The following HIVEP3 variants were observed in gnomAD, a reference collection of about 807,000 sequenced individuals.
HIVEP3 encodes the protein HIVEP zinc finger 3.
HIVEP3 carries 49 observed loss-of-function variants against 152.8 expected under a neutral mutation model. The observed-to-expected ratio is 0.32, with a 90% CI of 0.26 to 0.41. The LOEUF (loss-of-function observed/expected upper bound fraction) is 0.41, where lower values mean the gene tolerates loss of function less well. HIVEP3 is among the 10% of genes least tolerant of loss of function. The pLI is 1.00. For synonymous variants in HIVEP3, 1,269 were observed against 1,289.0 expected, an observed-to-expected ratio of 0.98 and a Z score of 0.33; for missense variants, 2,790 against 3,103.3, an observed-to-expected ratio of 0.90 and a Z score of 2.40.
intron 1 of HIVEP3, among the ~76,000 whole-genome samples, chr1:41,845,419 GCACACACACACACA>G (rs3032007): frequency 2.0e-3 from 275 of 136,186 alleles, no homozygotes; most frequent in African/African-American, 7.7e-3. Context: ...ACACACACAC[GCACACACACACACA>G]CACACACACA....
At chr1:41,730,392 C>T (rs710242) in intron 1 of HIVEP3, among the ~76,000 whole-genome samples, 61,341 of 152,052 alleles carry the variant, frequency 0.4, 12,632 homozygotes, top group South Asian at 0.47. Context: ...CTCTTTGACC[C>T]GGAAGTGCTG....
At chr1:41,620,189 T>G (rs1256411174) in intron 3 of HIVEP3, among the ~76,000 whole-genome samples, 1 of 152,296 alleles carries the variant, frequency 6.6e-6, no homozygotes, top group Non-Finnish European at 1.5e-5. Context: ...GCAGGGCTTG[T>G]CCTGACAGGT....
Position 41,885,047 on chromosome 1 carries a change from TC to T in HIVEP3, c.-801+33365del, listed in dbSNP as rs1644322792. The stretch of plus-strand genomic sequence containing the variant: ...AGTACCCATGCTCTCCACAGAGCAG[TC>T]CCTTATTATACAAGCTCTGCACCAG... On this transcript the variant is annotated intron_variant, in intron 1 of 8. Coordinates refer to ENST00000372583, the MANE Select transcript of HIVEP3 (RefSeq NM_024503.5). Among the ~76,000 whole-genome samples, 3 of 152,190 alleles carry T rather than the reference TC, an allele frequency of 2.0e-5. No individual in the cohort carries two copies. In the South Asian group the frequency reaches 6.2e-4, roughly 32 times the overall value.
At chr1:41,982,246 CGAGAAT>C (rs1299774262) in intron 1 of HIVEP3, among the ~76,000 whole-genome samples, 2 of 152,194 alleles carry the variant, frequency 1.3e-5, no homozygotes, top group Non-Finnish European at 2.9e-5. Flanking sequence ...ACTAAAGTTT[CGAGAAT>C]GGGAATGCAA....
In HIVEP3 at chr1:41,510,552, C is replaced by T. The variant is rs557415479; in HGVS notation, c.7120G>A (p.Gly2374Arg). Residue 2374 changes from glycine to arginine, a missense_variant, in exon 9 of 9, where the codon GGG (glycine) becomes AGG (arginine). Physicochemically the swap from Gly to Arg is moderately radical, Grantham distance 125. Around this residue, in one of 9 missense-constraint regions of HIVEP3, gnomAD observed 816 missense variants for 806.5 expected, o/e 1.01. Coordinates refer to ENST00000372583, the MANE Select transcript of HIVEP3 (RefSeq NM_024503.5). ...RFPARTRNLS[G>R]EPRTRQDSPK... ...GAGTCCTGCCTGGTCCTGGGTTCCCCGGAGAGGTTCCTCGTCCGGGCTGGG... is the reference window on the plus strand; with the variant it reads ...GAGTCCTGCCTGGTCCTGGGTTCCCTGGAGAGGTTCCTCGTCCGGGCTGGG... The T allele has an allele frequency of 1.7e-5, 26 of 1,573,176 alleles. No homozygotes were observed. Among genetic ancestry groups the T allele is most frequent in the South Asian group, 4.7e-5 (4 of 85,732 alleles).
chr1:41,721,491 C>A (rs1353084092), intron 1 of HIVEP3, among the ~76,000 whole-genome samples: 1 of 152,176 alleles, frequency 6.6e-6, no homozygotes, highest in Non-Finnish European at 1.5e-5. Flanking sequence ...CAGATGTGAG[C>A]CACCATGCCT....
chr1:41,704,452 C>T (rs1004309631), intron 1 of HIVEP3, among the ~76,000 whole-genome samples: 2 of 152,226 alleles, frequency 1.3e-5, no homozygotes, highest in Admixed American at 6.5e-5. Context: ...TCCTTGCAAG[C>T]GCCAGTGCCA....
intron 1 of HIVEP3, among the ~76,000 whole-genome samples, chr1:41,980,648 A>G (rs1434678429): frequency 1.3e-5 from 2 of 152,224 alleles, no homozygotes; most frequent in Admixed American, 1.3e-4. Flanking sequence ...TGAAATCATT[A>G]TATTACACAA....
chr1:41,639,818 C>T (rs1645344565), intron 2 of HIVEP3, among the ~76,000 whole-genome samples: 1 of 152,204 alleles, frequency 6.6e-6, no homozygotes, highest in Non-Finnish European at 1.5e-5. Context: ...AGGCTTCTCT[C>T]TCACATGGTA....
intron 1 of HIVEP3, among the ~76,000 whole-genome samples, chr1:41,723,648 C>T (rs1570400755): frequency 6.6e-6 from 1 of 152,136 alleles, no homozygotes; most frequent in African/African-American, 2.4e-5. Context: ...CACTCATTAG[C>T]AGTCAAGCAG....
chr1:41,753,468 GA>G (rs1468454726), intron 1 of HIVEP3, among the ~76,000 whole-genome samples: 1 of 152,054 alleles, frequency 6.6e-6, no homozygotes, highest in Non-Finnish European at 1.5e-5. Flanking sequence ...AGGAGTTCAA[GA>G]CCAGCCTGGC....
At chr1:41,860,881 A>G (rs931206554) in intron 1 of HIVEP3, among the ~76,000 whole-genome samples, 1 of 152,226 alleles carries the variant, frequency 6.6e-6, no homozygotes, top group Non-Finnish European at 1.5e-5. Context: ...ACAAACCTGA[A>G]AGCAGCAGAG....
chr1:41,961,012 C>T (rs1468676889), intron 1 of HIVEP3, among the ~76,000 whole-genome samples: 2 of 152,178 alleles, frequency 1.3e-5, no homozygotes, highest in African/African-American at 4.8e-5. Context: ...CTGTTTCAAC[C>T]AACAGAGATT....
chr1:41,799,850 A>T (rs1224054478), intron 1 of HIVEP3, among the ~76,000 whole-genome samples: 1 of 151,964 alleles, frequency 6.6e-6, no homozygotes, highest in Non-Finnish European at 1.5e-5. Context: ...AATCATGTTC[A>T]CAGGGCCCCA....
In HIVEP3 at chr1:41,583,146, C is replaced by G. The variant is rs1324115166; in HGVS notation, c.1652G>C (p.Ser551Thr). The G allele has an allele frequency of 6.2e-7, 1 of 1,612,602 alleles. No individual in the cohort carries two copies. Among genetic ancestry groups the G allele is most frequent in the Non-Finnish European group, 8.5e-7 (1 of 1,179,844 alleles). ...ACCTCGGAAGGGGTGGTGGGGGGTGCTGATAGTGCAGGCGGCAGAAGGCAT... is the reference window on the plus strand; with the variant it reads ...ACCTCGGAAGGGGTGGTGGGGGGTGGTGATAGTGCAGGCGGCAGAAGGCAT... The part of the protein sequence containing the change: ...HSMPSAACTI[S>T]TPHHPFRGSY... The change falls in exon 4 of 9, where the codon AGC (serine) becomes ACC (threonine). Residue 551 changes from serine (S) to threonine (T), a missense_variant. Ser to Thr is a moderately conservative substitution (Grantham distance 58). Around this residue, in one of 9 missense-constraint regions of HIVEP3, gnomAD observed 339 missense variants for 327.0 expected, o/e 1.04. Transcript: ENST00000372583. This position sits in a 1 kb window ranked among gnomAD's most constrained non-coding sequence, Gnocchi z 6.9.
At chr1:41,743,220 A>G (rs563256283) in intron 1 of HIVEP3, among the ~76,000 whole-genome samples, 1 of 152,130 alleles carries the variant, frequency 6.6e-6, no homozygotes, top group Non-Finnish European at 1.5e-5. Context: ...CACAACAAAA[A>G]ACTTTCCCCT....
At chr1:41,633,433 C>T (rs1002438742) in intron 2 of HIVEP3, among the ~76,000 whole-genome samples, 1 of 152,022 alleles carries the variant, frequency 6.6e-6, no homozygotes, top group Non-Finnish European at 1.5e-5. Flanking sequence ...GTCCTGAAAT[C>T]CCCCCCAAAA....
chr1:41,941,883 C>T (rs910130731), intron 1 of HIVEP3, among the ~76,000 whole-genome samples: 2 of 152,174 alleles, frequency 1.3e-5, no homozygotes, highest in Non-Finnish European at 1.5e-5. Context: ...GCTACTGGAT[C>T]GCTGGATCAC....
chr1:41,903,732 T>C (rs1644663404), intron 1 of HIVEP3, among the ~76,000 whole-genome samples: 1 of 152,164 alleles, frequency 6.6e-6, no homozygotes, highest in Non-Finnish European at 1.5e-5. Flanking sequence ...CTAAGGCTGA[T>C]GGCTTTCTGT....
Sources: gnomAD v4.1 joint callset for allele counts (sites outside exome capture counted in the v4.1 genomes callset) on GRCh38, gnomAD v4.1.1 for gene constraint, gnomAD v4.1.1 regional missense constraint, Gnocchi (gnomAD v3.1) non-coding constraint, MANE v1.5 for transcripts, NCBI Gene and HGNC (gene_info 2026-07-23, HGNC 2026-07-21) for gene names.